NUP93: variants seen among roughly 807,000 people sequenced by gnomAD.
The protein encoded by NUP93 is nuclear pore complex protein Nup93.
In NUP93, 55 loss-of-function variants were observed where a neutral mutation model predicts 107.8. The observed-to-expected ratio is 0.51, with a 90% CI of 0.41 to 0.64. The LOEUF is 0.64. Among genes scored for constraint, NUP93 ranks in the 30% least tolerant of loss-of-function variants. The pLI, the probability that NUP93 is intolerant of heterozygous loss-of-function variation, is 0.00. For missense variants in NUP93, 937 were observed against 1,044.7 expected (o/e 0.90, Z 1.42); for synonymous variants, 390 against 397.5 (o/e 0.98, Z 0.22).
At chr16:56,734,067 C>T (rs879597177) in intron 1 of NUP93, among the ~76,000 whole-genome samples, 2 of 152,172 alleles carry the variant, frequency 1.3e-5, no homozygotes, top group South Asian at 2.1e-4. Flanking sequence ...ACAGACCAGA[C>T]AAGGTTCCCA....
chr16:56,834,321 A>G (rs752652096), intron 14 of NUP93, 49 bp from the exon 15 acceptor site: 2 of 1,614,006 alleles, frequency 1.2e-6, no homozygotes, highest in East Asian at 2.2e-5. Context: ...AATGACTATT[A>G]GAGACCTCAT....
intron 3 of NUP93, among the ~76,000 whole-genome samples, chr16:56,793,030 G>A (rs1962804038): frequency 6.6e-6 from 1 of 152,126 alleles, no homozygotes; most frequent in Non-Finnish European, 1.5e-5. Flanking sequence ...GGGGAGAGTG[G>A]GATGATTATG....
At chr16:56,820,068 T>TA (rs1963511839) in intron 6 of NUP93, among the ~76,000 whole-genome samples, 1 of 152,214 alleles carries the variant, frequency 6.6e-6, no homozygotes, top group African/African-American at 2.4e-5. Flanking sequence ...CCTGATGAAA[T>TA]ACAGGCTTCT....
At chr16:56,746,187 G>A (rs1268524906) in intron 1 of NUP93, among the ~76,000 whole-genome samples, 1 of 152,092 alleles carries the variant, frequency 6.6e-6, no homozygotes, top group African/African-American at 2.4e-5. Context: ...TCTGGAGAAG[G>A]GAATGCTTTG....
In NUP93 at chr16:56,821,592, A is replaced by C. The variant is rs1392173809; in HGVS notation, c.653A>C (p.Lys218Thr). Residue 218 changes from lysine (K) to threonine (T), a missense_variant and splice_region_variant, in exon 7 of 22, where the codon AAG becomes ACG. Physicochemically the swap from Lys to Thr is moderately conservative, Grantham distance 78. Transcript: ENST00000308159. ...GCTTCCGTCGCAGAGCTCGATGATA[A>C]GGTAGCACCTAGAGCTAACTCAAGT... ...LCASVAELDD[K>T]SISDMWTMVK... 1 of 1,606,556 alleles carries C rather than the reference A, an allele frequency of 6.2e-7. No homozygotes were observed. The highest frequency in any genetic ancestry group is 1.1e-5 in the South Asian group (1 of 90,878).
intron 21 of NUP93, among the ~76,000 whole-genome samples, chr16:56,843,497 G>A (rs1295483717): frequency 6.6e-6 from 1 of 152,274 alleles, no homozygotes; most frequent in East Asian, 1.9e-4. Flanking sequence ...ATCTATAAAA[G>A]CTGCGTGCCC....
chr16:56,795,560 T>TA (rs1962878743), intron 3 of NUP93, among the ~76,000 whole-genome samples: 1 of 152,198 alleles, frequency 6.6e-6, no homozygotes, highest in Non-Finnish European at 1.5e-5. Flanking sequence ...CTACCCCCGT[T>TA]ATCAGTATAT....
intron 3 of NUP93, among the ~76,000 whole-genome samples, chr16:56,770,423 G>A (rs1962298083): frequency 6.6e-6 from 1 of 152,218 alleles, no homozygotes; most frequent in Non-Finnish European, 1.5e-5. Flanking sequence ...CACCCCTTGA[G>A]TTAAGGCTGA....
chr16:56,775,659 G>C (rs1962403088), intron 3 of NUP93, among the ~76,000 whole-genome samples: 1 of 152,224 alleles, frequency 6.6e-6, no homozygotes, highest in Non-Finnish European at 1.5e-5. Flanking sequence ...CTGGAAGCCT[G>C]ATGGAGAGAA....
chr16:56,810,636 C>T (rs1963293001), intron 5 of NUP93, among the ~76,000 whole-genome samples: 1 of 152,090 alleles, frequency 6.6e-6, no homozygotes, highest in African/African-American at 2.4e-5. Flanking sequence ...CACAGTGAGA[C>T]TCTGTCTCAA....
At chr16:56,749,754 C>G (rs543013287) in intron 2 of NUP93, among the ~76,000 whole-genome samples, 36 of 152,308 alleles carry the variant, frequency 2.4e-4, no homozygotes, top group African/African-American at 8.4e-4. Context: ...TAGACCTCCC[C>G]AAAATGTTAT....
rs190372379 is a variant in NUP93, at chr16:56,762,649, A to G, written c.297+3994A>G. Among the ~76,000 whole-genome samples the G allele has an allele frequency of 3.9e-5, 6 of 152,308 alleles. No individual in the cohort carries two copies. In the East Asian group the frequency reaches 1.2e-3, roughly 29 times the overall value. On this transcript the variant is annotated intron_variant, in intron 3 of 21. Transcript: ENST00000308159. ...AAATAATTGCCAAACTTACTATATT[A>G]AATTCCTAGGGATGCTGTAACAAAG... is the stretch of plus-strand genomic sequence containing the variant.
Position 56,818,675 on chromosome 16 carries a change from C to T in NUP93, c.501C>T (p.Ile167=), listed in dbSNP as rs1963484267. Residue 167 remains isoleucine (I), a synonymous_variant, in exon 6 of 22, where the codon ATC becomes ATT. Transcript: ENST00000308159. ...GTATTTATCCACAGCCAAGCTACAT[C>T]AGTGATGTGGGACCCCCTGGTCGAA... ...DFTQESEPSY[I]SDVGPPGRSS... is the part of the protein sequence containing the mutation. 1 of 1,613,914 alleles carries T rather than the reference C, an allele frequency of 6.2e-7. No individual in the cohort carries two copies. The highest frequency in any genetic ancestry group is 1.3e-5 in the African/African-American group (1 of 74,926).
intron 4 of NUP93, among the ~76,000 whole-genome samples, chr16:56,805,297 T>A (rs1456008744): frequency 1.3e-5 from 2 of 152,156 alleles, no homozygotes; most frequent in African/African-American, 4.8e-5. Flanking sequence ...ATCTGCCTGC[T>A]TTGGCTCCCC....
Position 56,847,738 on chromosome 16 carries a change from C to T in NUP93, c.*3129C>T, listed in dbSNP as rs1033914346. Reference sequence around the variant, plus strand: ...ACGGCAGATGCCTTCCTTTTTCACTCACGAGCTGGGCGGGCTCATCAAAGA... The same window carrying T: ...ACGGCAGATGCCTTCCTTTTTCACTTACGAGCTGGGCGGGCTCATCAAAGA... On this transcript the variant is annotated 3_prime_UTR_variant, in exon 22 of 22. Transcript: ENST00000308159. The T allele has an allele frequency of 2.0e-5, 3 of 152,202 alleles. No homozygotes were observed. The highest frequency in any genetic ancestry group is 6.5e-5 in the Admixed American group (1 of 15,290). 9.4% of individuals were successfully genotyped at this position (152,202 alleles called of 1,614,324 possible).
intron 2 of NUP93, among the ~76,000 whole-genome samples, chr16:56,753,486 G>C (rs1666747913): frequency 6.6e-6 from 1 of 152,210 alleles, no homozygotes; most frequent in Admixed American, 6.5e-5. Context: ...TTTGAGTGTA[G>C]TCAATGGATC....
At chr16:56,760,757 T>C (rs375252905) in intron 3 of NUP93, among the ~76,000 whole-genome samples, 3 of 152,220 alleles carry the variant, frequency 2.0e-5, no homozygotes, top group Admixed American at 6.5e-5. Flanking sequence ...GGCAGAGACA[T>C]GTATTCAAAC....
At chr16:56,824,524 CTCTT>C (rs1361331171) in intron 8 of NUP93, among the ~76,000 whole-genome samples, 2 of 152,194 alleles carry the variant, frequency 1.3e-5, no homozygotes, top group Admixed American at 6.5e-5. Flanking sequence ...GCAATAGAAT[CTCTT>C]TATTTTAGAG....
intron 3 of NUP93, among the ~76,000 whole-genome samples, chr16:56,778,518 A>G (rs1426471003): frequency 6.6e-6 from 1 of 152,216 alleles, no homozygotes; most frequent in Admixed American, 6.5e-5. Context: ...TTGTAGTAAT[A>G]CAGCTTTGAG....
Sources: gnomAD v4.1 joint callset for allele counts (sites outside exome capture counted in the v4.1 genomes callset) on GRCh38, gnomAD v4.1.1 for gene constraint, MANE v1.5 for transcripts, NCBI Gene and HGNC (gene_info 2026-07-23, HGNC 2026-07-21) for gene names.